The following TFCP2 variants were observed in gnomAD, a reference collection of about 807,000 sequenced individuals.
The protein encoded by TFCP2 is alpha-globin transcription factor CP2.
A neutral mutation model predicts 73.4 loss-of-function variants in TFCP2; 33 were observed. The observed-to-expected ratio is 0.45, with a 90% CI of 0.34 to 0.60. TFCP2 has a LOEUF of 0.60. Ranked by LOEUF, TFCP2 falls within the 20% of genes least tolerant of loss-of-function variation. TFCP2 has a pLI of 0.01. For missense variants in TFCP2, 352 were observed against 604.0 expected (o/e 0.58, Z 4.37); for synonymous variants, 193 against 211.6 (o/e 0.91, Z 0.76).
At chr12:51,148,846 G>A (rs1281396263) in intron 1 of TFCP2, among the ~76,000 whole-genome samples, 4 of 151,278 alleles carry the variant, frequency 2.6e-5, no homozygotes, top group African/African-American at 9.7e-5. Context: ...CCAATATGGC[G>A]AAACCCTGTC....
chr12:51,141,821 G>A (rs1203802696), intron 1 of TFCP2, among the ~76,000 whole-genome samples: 7 of 148,816 alleles, frequency 4.7e-5, no homozygotes, highest in South Asian at 4.3e-4. Flanking sequence ...TACAAGCATC[G>A]TTTGAACCTG....
intron 1 of TFCP2, among the ~76,000 whole-genome samples, chr12:51,120,037 G>A (rs536572582): frequency 6.6e-6 from 1 of 151,928 alleles, no homozygotes; most frequent in African/African-American, 2.4e-5. Context: ...AAATTAGCTG[G>A]GTGTGGTGGC....
chr12:51,154,826 G>A (rs1941504242), intron 1 of TFCP2, among the ~76,000 whole-genome samples: 1 of 152,132 alleles, frequency 6.6e-6, no homozygotes, highest in African/African-American at 2.4e-5. Flanking sequence ...AGGATAAGGG[G>A]GAACTACTAA....
intron 1 of TFCP2, among the ~76,000 whole-genome samples, chr12:51,156,599 C>T (rs1448588388): frequency 6.6e-6 from 1 of 152,102 alleles, no homozygotes; most frequent in African/African-American, 2.4e-5. Context: ...GTTCTTTCCT[C>T]TTCAATGTTT....
chr12:51,156,489 C>A (rs1273475206), intron 1 of TFCP2, among the ~76,000 whole-genome samples: 2 of 152,176 alleles, frequency 1.3e-5, no homozygotes, highest in Non-Finnish European at 2.9e-5. Context: ...GCCCCACCCA[C>A]CTCCAACACT....
intron 13 of TFCP2, among the ~76,000 whole-genome samples, chr12:51,096,524 G>A (rs1212119927): frequency 6.6e-6 from 1 of 152,170 alleles, no homozygotes; most frequent in Non-Finnish European, 1.5e-5. Flanking sequence ...AAAGCTTCAG[G>A]TGGCAAAGTG....
intron 1 of TFCP2, among the ~76,000 whole-genome samples, chr12:51,151,235 A>C (rs755724736): frequency 3.3e-5 from 5 of 152,224 alleles, no homozygotes; most frequent in Non-Finnish European, 7.3e-5. Flanking sequence ...GGAGCAGACC[A>C]TATGGATCCT....
chr12:51,163,937 C>T (rs1443407058), intron 1 of TFCP2, among the ~76,000 whole-genome samples: 1 of 149,966 alleles, frequency 6.7e-6, no homozygotes, highest in African/African-American at 2.5e-5. Context: ...AGGTGCAGTA[C>T]CTCACACCTG....
intron 2 of TFCP2, 27 bp downstream of exon 2, chr12:51,118,594 G>A (rs1317879752): frequency 6.2e-7 from 1 of 1,611,208 alleles, no homozygotes; most frequent in East Asian, 2.2e-5. Context: ...GTCTGCAATA[G>A]TACTAATGAA....
chr12:51,110,573 C>A (rs7960475), intron 5 of TFCP2, among the ~76,000 whole-genome samples: 149,231 of 152,246 alleles, frequency 0.98, 73,199 homozygotes, highest in South Asian at 1. Flanking sequence ...TGTCCCCCCC[C>A]AAAAAAATTA....
At chr12:51,122,304 G>A (rs1008418892) in intron 1 of TFCP2, among the ~76,000 whole-genome samples, 1 of 135,514 alleles carries the variant, frequency 7.4e-6, no homozygotes, top group Non-Finnish European at 1.5e-5. Context: ...TGTTACCCAG[G>A]CTGGAGTGCA....
intron 1 of TFCP2, chr12:51,125,183 T>G (rs1940783912): frequency 2.9e-6 from 2 of 692,394 alleles, no homozygotes; most frequent in Non-Finnish European, 5.4e-6. Context: ...CAGTGATGAT[T>G]GGTACATTAC....
At chr12:51,100,675 C>T (rs1364705550) in intron 11 of TFCP2, among the ~76,000 whole-genome samples, 2 of 152,084 alleles carry the variant, frequency 1.3e-5, no homozygotes, top group African/African-American at 4.8e-5. Context: ...ATTAGGCGGG[C>T]GTGGTGGTGC....
intron 1 of TFCP2, among the ~76,000 whole-genome samples, chr12:51,170,343 C>CTTTTTT (rs4026184): frequency 4.1e-5 from 6 of 147,214 alleles, no homozygotes; most frequent in Non-Finnish European, 4.5e-5. Context: ...TAAAATCTTT[C>CTTTTTT]TTTTTTTTTA....
intron 1 of TFCP2, among the ~76,000 whole-genome samples, chr12:51,150,805 G>A (rs887145060): frequency 6.6e-6 from 1 of 152,222 alleles, no homozygotes; most frequent in Admixed American, 6.5e-5. Context: ...AGAAAATGGA[G>A]ATAGTGAATT....
chr12:51,159,275 A>ATAACCATTGCCTCTTTGC (rs1941602369), intron 1 of TFCP2, among the ~76,000 whole-genome samples: 1 of 152,036 alleles, frequency 6.6e-6, no homozygotes, highest in African/African-American at 2.4e-5. Context: ...AGATGCAACA[A>ATAACCATTGCCTCTTTGC]TAACCATTGC....
chr12:51,134,524 G>A (rs550871636), intron 1 of TFCP2, among the ~76,000 whole-genome samples: 99 of 152,194 alleles, frequency 6.5e-4, no homozygotes, highest in Non-Finnish European at 1.2e-3. Context: ...GAGCTCAAGC[G>A]ATCCGCCAGC....
At chr12:51,115,209 T>G (rs1208248425) in intron 4 of TFCP2, among the ~76,000 whole-genome samples, 1 of 135,154 alleles carries the variant, frequency 7.4e-6, no homozygotes, top group Non-Finnish European at 1.5e-5. Context: ...AAGCTCCGCC[T>G]CCCGGGTTCA....
At chr12:51,130,913 G>A (rs868312021) in intron 1 of TFCP2, among the ~76,000 whole-genome samples, 2 of 152,008 alleles carry the variant, frequency 1.3e-5, no homozygotes, top group African/African-American at 2.4e-5. Context: ...TTTGAACCCC[G>A]GGAGGCAGGG....
Sources: allele counts gnomAD v4.1 joint callset (sites outside exome capture counted in the v4.1 genomes callset), GRCh38; gene constraint gnomAD v4.1.1; transcripts MANE v1.5; gene names NCBI Gene and HGNC (gene_info 2026-07-23, HGNC 2026-07-21).